The following RAD51B variants were observed in gnomAD, a reference collection of about 807,000 sequenced individuals.
The protein encoded by RAD51B is DNA repair protein RAD51 homolog 2.
Under a neutral mutation model 42.2 loss-of-function variants are expected in RAD51B, and 38 were observed. The observed-to-expected ratio is 0.90, with a 90% CI of 0.70 to 1.18. The LOEUF is 1.18. RAD51B is among the 50% of genes most tolerant of loss of function. The pLI is 0.00. For synonymous variants in RAD51B, 154 were observed against 145.2 expected (o/e 1.06, Z -0.43); for missense variants, 373 against 400.7 (o/e 0.93, Z 0.59).
At chr14:68,602,538 A>C (rs897616840) in intron 10 of RAD51B, among the ~76,000 whole-genome samples, 2 of 152,044 alleles carry the variant, frequency 1.3e-5, no homozygotes, top group African/African-American at 2.4e-5. Context: ...AGATAGATAG[A>C]TAGATAGATA....
intron 10 of RAD51B, among the ~76,000 whole-genome samples, chr14:68,470,241 G>A (rs552052995): frequency 6.6e-6 from 1 of 152,278 alleles, no homozygotes; most frequent in East Asian, 1.9e-4. Flanking sequence ...TCACCTGGTT[G>A]CTTTCTAAGT....
chr14:67,997,246 G>A (rs1366946062), intron 7 of RAD51B, among the ~76,000 whole-genome samples: 1 of 152,148 alleles, frequency 6.6e-6, no homozygotes, highest in Non-Finnish European at 1.5e-5. Flanking sequence ...AATAGACAGA[G>A]AAAAGGAACA....
chr14:68,081,128 C>T (rs901226886), intron 7 of RAD51B, among the ~76,000 whole-genome samples: 2 of 152,184 alleles, frequency 1.3e-5, no homozygotes, highest in Non-Finnish European at 2.9e-5. Context: ...GCATCTATCA[C>T]TTTGATATGG....
At chr14:68,462,304 T>G (rs1157960179) in intron 9 of RAD51B, among the ~76,000 whole-genome samples, 1 of 152,216 alleles carries the variant, frequency 6.6e-6, no homozygotes, top group African/African-American at 2.4e-5. Flanking sequence ...TTGTCTGTCT[T>G]CTGCCACCAG....
chr14:68,072,070 A>ATTT lies in RAD51B; in HGVS notation c.756+184866_756+184867insTTT, dbSNP rs1440869222. ...ATATATAATTATATATATTTATATA[A>ATTT]ATATATAAATATATATAAATATATA... On this transcript the variant is annotated intron_variant, in intron 7 of 10. Transcript: ENST00000471583. Among the ~76,000 whole-genome samples the ATTT allele has an allele frequency of 7.4e-4, 77 of 104,564 alleles. 1 individual carries two copies. Among genetic ancestry groups the ATTT allele is most frequent in the African/African-American group, 1.2e-3 (25 of 20,070 alleles). The allele number at this position is 104,564 out of a possible 152,430, so 68.6% of individuals were successfully genotyped here.
chr14:68,301,590 GTGTTTT>G (rs770637720), intron 8 of RAD51B, among the ~76,000 whole-genome samples: 1 of 111,978 alleles, frequency 8.9e-6, no homozygotes. Flanking sequence ...TTTTGTTTGT[GTGTTTT>G]TTTTTTTTTT....
At chr14:68,548,738 A>G (rs1004251493) in intron 10 of RAD51B, among the ~76,000 whole-genome samples, 1 of 152,172 alleles carries the variant, frequency 6.6e-6, no homozygotes, top group African/African-American at 2.4e-5. Flanking sequence ...GCGTCCTGAC[A>G]CTGCTAAGAC....
intron 7 of RAD51B, among the ~76,000 whole-genome samples, chr14:68,222,295 A>G (rs1000341706): frequency 5.3e-5 from 8 of 152,232 alleles, no homozygotes; most frequent in African/African-American, 1.9e-4. Context: ...TCAGTCAATG[A>G]GTATACAAGG....
chr14:67,831,354 G>A (rs573024614), intron 3 of RAD51B, among the ~76,000 whole-genome samples: 3 of 152,250 alleles, frequency 2.0e-5, no homozygotes, highest in Admixed American at 1.3e-4. Context: ...ACAGTAAGAC[G>A]ATAAGTGTAC....
At chr14:68,388,108 T>TAAAAAATATATATATATATA (rs2083647365) in intron 8 of RAD51B, among the ~76,000 whole-genome samples, 3 of 147,064 alleles carry the variant, frequency 2.0e-5, no homozygotes, top group African/African-American at 7.6e-5. Flanking sequence ...TTTTTTTTTT[T>TAAAAAATATATATATATATA]TAATTGAGGC....
chr14:68,596,223 T>C (rs2140086983), downstream of RAD51B, among the ~76,000 whole-genome samples: 1 of 152,268 alleles, frequency 6.6e-6, no homozygotes, highest in Non-Finnish European at 1.5e-5. Context: ...TTTGGAAAGG[T>C]TTTGTTTCTA....
intron 10 of RAD51B, among the ~76,000 whole-genome samples, chr14:68,625,923 G>A (rs1892069724): frequency 6.6e-6 from 1 of 152,330 alleles, no homozygotes; most frequent in South Asian, 2.1e-4. Context: ...AGTGGCCACA[G>A]TGTGGGTGAG....
At chr14:68,658,028 TC>T (rs1892852730) in intron 11 of RAD51B, among the ~76,000 whole-genome samples, 1 of 152,236 alleles carries the variant, frequency 6.6e-6, no homozygotes, top group South Asian at 2.1e-4. Flanking sequence ...GAGTGACAGC[TC>T]CTTGCCTTGG....
At chr14:68,641,199 G>A in intron 10 of RAD51B, among the ~76,000 whole-genome samples, 1 of 152,182 alleles carries the variant, frequency 6.6e-6, no homozygotes, top group East Asian at 1.9e-4. Context: ...TCTGCCGTGT[G>A]TTGCATGTGT....
intron 7 of RAD51B, among the ~76,000 whole-genome samples, chr14:67,892,709 G>A (rs1371756164): frequency 6.6e-6 from 1 of 152,190 alleles, no homozygotes; most frequent in Non-Finnish European, 1.5e-5. Flanking sequence ...ATTTTTCTCT[G>A]GGGATCTGGG....
chr14:68,069,661 A>G (rs2076709960), intron 7 of RAD51B: 1 of 152,148 alleles, frequency 6.6e-6, no homozygotes, highest in African/African-American at 2.4e-5. Flanking sequence ...TGTATGTACC[A>G]CATTTTCTTT....
chr14:68,471,213 G>A (rs1053736078), intron 10 of RAD51B, among the ~76,000 whole-genome samples: 35 of 152,246 alleles, frequency 2.3e-4, no homozygotes, highest in African/African-American at 7.9e-4. Context: ...TAGAAGGGAG[G>A]CCGCCAGCCA....
At chr14:68,602,472 TG>T (rs1212711051) in intron 10 of RAD51B, among the ~76,000 whole-genome samples, 2 of 150,224 alleles carry the variant, frequency 1.3e-5, no homozygotes. Flanking sequence ...GATAGATGGG[TG>T]GGTGGGTGGA....
chr14:68,580,994 T>C (rs1890184676), intron 10 of RAD51B, among the ~76,000 whole-genome samples: 1 of 152,214 alleles, frequency 6.6e-6, no homozygotes, highest in African/African-American at 2.4e-5. Context: ...GATTCAGTTT[T>C]TTTCATAAGC....
Sources: allele counts gnomAD v4.1 joint callset (sites outside exome capture counted in the v4.1 genomes callset), GRCh38; gene constraint gnomAD v4.1.1; transcripts MANE v1.5; gene names NCBI Gene and HGNC (gene_info 2026-07-23, HGNC 2026-07-21).